Variants in VTI1A observed in about 807,000 individuals in gnomAD.
The protein encoded by VTI1A is vesicle transport through interaction with t-SNAREs 1A.
In VTI1A, 22 loss-of-function variants were observed where a neutral mutation model predicts 34.9. The observed-to-expected ratio is 0.63, with a 90% CI of 0.45 to 0.90. The LOEUF is 0.90. Among genes scored for constraint, VTI1A ranks in the 40% least tolerant of loss-of-function variants. VTI1A has a pLI of 0.00. For missense variants in VTI1A, 268 were observed against 275.6 expected (o/e 0.97, Z 0.20); for synonymous variants, 87 against 97.3 (o/e 0.89, Z 0.62).
At chr10:112,808,023 G>A (rs1853148599) in intron 7 of VTI1A, among the ~76,000 whole-genome samples, 1 of 151,842 alleles carries the variant, frequency 6.6e-6, no homozygotes, top group African/African-American at 2.4e-5. Flanking sequence ...ATCAAGACCA[G>A]CCTGGGAAAC....
chr10:112,575,906 T>G (rs1843686979), intron 5 of VTI1A, among the ~76,000 whole-genome samples: 1 of 152,174 alleles, frequency 6.6e-6, no homozygotes, highest in African/African-American at 2.4e-5. Flanking sequence ...TAGCTTCCAA[T>G]TAGCAATTTA....
chr10:112,493,237 T>C (rs533527666), intron 3 of VTI1A, among the ~76,000 whole-genome samples: 1 of 152,264 alleles, frequency 6.6e-6, no homozygotes, highest in South Asian at 2.1e-4. Context: ...TCGTGAATTA[T>C]GTTTTTTCTT....
chr10:112,569,587 AATG>A (rs1852041524), intron 5 of VTI1A, among the ~76,000 whole-genome samples: 1 of 152,222 alleles, frequency 6.6e-6, no homozygotes, highest in African/African-American at 2.4e-5. Context: ...TGCCATCTGT[AATG>A]ATGTTGGCAG....
chr10:112,697,408 T>TTTTTG (rs1848834499), intron 7 of VTI1A, among the ~76,000 whole-genome samples: 1 of 149,118 alleles, frequency 6.7e-6, no homozygotes, highest in African/African-American at 2.5e-5. Context: ...TCTTTTTTTT[T>TTTTTG]TTTTTTTTGA....
intron 5 of VTI1A, among the ~76,000 whole-genome samples, chr10:112,568,192 A>G (rs1377852462): frequency 6.6e-6 from 1 of 152,222 alleles, no homozygotes; most frequent in Admixed American, 6.5e-5. Flanking sequence ...AGAAGCACCA[A>G]ATTACAAGTC....
chr10:112,648,057 A>C (rs1275401367), intron 5 of VTI1A, among the ~76,000 whole-genome samples: 1 of 152,228 alleles, frequency 6.6e-6, no homozygotes, highest in African/African-American at 2.4e-5. Context: ...GGCGTGAGCC[A>C]TTGCACCCAG....
chr10:112,784,140 T>C (rs1200879384), intron 7 of VTI1A, among the ~76,000 whole-genome samples: 5 of 152,272 alleles, frequency 3.3e-5, no homozygotes, highest in Admixed American at 3.3e-4. Context: ...GACCTTGAAC[T>C]TAACGCATGT....
At chr10:112,598,629 C>G (rs1844761538) in intron 5 of VTI1A, among the ~76,000 whole-genome samples, 1 of 152,172 alleles carries the variant, frequency 6.6e-6, no homozygotes, top group Non-Finnish European at 1.5e-5. Context: ...GATGCATTGC[C>G]TTGCTTTGAT....
intron 3 of VTI1A, among the ~76,000 whole-genome samples, chr10:112,505,447 T>A (rs944656723): frequency 6.6e-6 from 1 of 152,218 alleles, no homozygotes; most frequent in African/African-American, 2.4e-5. Context: ...TTTTACCTCT[T>A]CCCTTCCAAT....
chr10:112,601,082 A>T (rs1844857425), intron 5 of VTI1A, among the ~76,000 whole-genome samples: 1 of 152,180 alleles, frequency 6.6e-6, no homozygotes, highest in Non-Finnish European at 1.5e-5. Context: ...CAGAGAAGGG[A>T]GCACTGTATC....
intron 5 of VTI1A, among the ~76,000 whole-genome samples, chr10:112,594,763 C>T (rs2134446438): frequency 6.6e-6 from 1 of 151,256 alleles, no homozygotes; most frequent in South Asian, 2.1e-4. Flanking sequence ...TCAATGCCAT[C>T]CCCATCAAGC....
chr10:112,599,356 C>G (rs907507378), intron 5 of VTI1A, among the ~76,000 whole-genome samples: 2 of 152,116 alleles, frequency 1.3e-5, no homozygotes, highest in Admixed American at 1.3e-4. Context: ...TTGGACAGAC[C>G]TGCTTTTATT....
At chr10:112,836,228 G>A in the VTI1A span, among the ~76,000 whole-genome samples, 1 of 152,134 alleles carries the variant, frequency 6.6e-6, no homozygotes, top group East Asian at 1.9e-4. Flanking sequence ...GGGAAGTGCT[G>A]GGGGGTGCAA....
intron 3 of VTI1A, among the ~76,000 whole-genome samples, chr10:112,474,458 CTTTTTTT>C (rs35475815): frequency 7.0e-6 from 1 of 142,060 alleles, no homozygotes; most frequent in Non-Finnish European, 1.6e-5. Flanking sequence ...TCATTCTTTC[CTTTTTTT>C]TTTTTTTTAA....
At chr10:112,477,186 T>C (rs1848303646) in intron 3 of VTI1A, among the ~76,000 whole-genome samples, 2 of 152,218 alleles carry the variant, frequency 1.3e-5, no homozygotes, top group Admixed American at 1.3e-4. Flanking sequence ...TTGTGTCCTT[T>C]AGTTCCCAAA....
At chr10:112,517,173 C>G (rs1338215522) in intron 3 of VTI1A, among the ~76,000 whole-genome samples, 1 of 151,926 alleles carries the variant, frequency 6.6e-6, no homozygotes, top group African/African-American at 2.4e-5. Flanking sequence ...AAGCACAATT[C>G]CTCCAAGGAT....
Position 112,737,645 on chromosome 10 carries a change from T to G in VTI1A, c.560+68647T>G, listed in dbSNP as rs1026627619. The G allele has an allele frequency of 5.7e-6, 6 of 1,050,572 alleles. No homozygotes were observed. The African/African-American group carries it at 8.3e-5, about 15-fold the overall frequency. The allele number at this position is 1,050,572 out of a possible 1,614,324, so 65.1% of individuals were successfully genotyped here. On this transcript the variant is annotated intron_variant, in intron 7 of 7. Coordinates refer to ENST00000393077, the MANE Select transcript of VTI1A (RefSeq NM_145206.4). ...AGCCTCTATGTGTGAAACACAGGGG[T>G]ACCTCAAAAATAGAACAAGAGCACT...
At chr10:112,565,263 A>G (rs1008859743) in intron 5 of VTI1A, among the ~76,000 whole-genome samples, 1 of 152,160 alleles carries the variant, frequency 6.6e-6, no homozygotes, top group African/African-American at 2.4e-5. Context: ...GGGAAAAACT[A>G]TTTTAAAGAG....
At chr10:112,487,490 A>G (rs543907011) in intron 3 of VTI1A, among the ~76,000 whole-genome samples, 1 of 152,328 alleles carries the variant, frequency 6.6e-6, no homozygotes, top group African/African-American at 2.4e-5. Context: ...CAAATTTGGC[A>G]TTGTAGCATT....
Sources: allele counts gnomAD v4.1 joint callset (sites outside exome capture counted in the v4.1 genomes callset), GRCh38; gene constraint gnomAD v4.1.1; transcripts MANE v1.5; gene names NCBI Gene and HGNC (gene_info 2026-07-23, HGNC 2026-07-21).